Variants in PAQR5 observed in about 807,000 individuals in gnomAD.
The protein encoded by PAQR5 is progestin and adipoQ receptor family member 5, also known as membrane progestin receptor gamma.
PAQR5 carries 20 observed loss-of-function variants against 34.5 expected under a neutral mutation model. That is an observed-to-expected ratio of 0.58 (90% CI 0.41 to 0.84). The LOEUF (loss-of-function observed/expected upper bound fraction) is 0.84. PAQR5 is among the 40% of genes least tolerant of loss of function. PAQR5 has a pLI of 0.00. For synonymous variants in PAQR5, 131 were observed against 155.6 expected, an observed-to-expected ratio of 0.84 and a Z score of 1.18; for missense variants, 378 against 412.7, an observed-to-expected ratio of 0.92 and a Z score of 0.73.
chr15:69,337,877 C>T (rs1361569295), intron 2 of PAQR5, among the ~76,000 whole-genome samples: 3 of 151,958 alleles, frequency 2.0e-5, no homozygotes, highest in African/African-American at 7.3e-5. Flanking sequence ...GAGTTCAAGA[C>T]CAGCCTGGAC....
chr15:69,337,126 C>T (rs2054531730), intron 1 of PAQR5, among the ~76,000 whole-genome samples: 1 of 152,120 alleles, frequency 6.6e-6, no homozygotes, highest in Non-Finnish European at 1.5e-5. Context: ...ATTGCTAATC[C>T]TTTTGTTTTC....
chr15:69,322,626 G>C (rs2054123224), intron 1 of PAQR5, among the ~76,000 whole-genome samples: 1 of 125,690 alleles, frequency 8.0e-6, no homozygotes, highest in Non-Finnish European at 1.6e-5. Flanking sequence ...CTGCACTCCA[G>C]GCTGGGTGAC....
intron 2 of PAQR5, among the ~76,000 whole-genome samples, chr15:69,351,724 G>C (rs1238988987): frequency 6.6e-6 from 1 of 152,196 alleles, no homozygotes; most frequent in Non-Finnish European, 1.5e-5. Flanking sequence ...TTATTTGTAA[G>C]ACATTTGCTT....
intron 1 of PAQR5, among the ~76,000 whole-genome samples, chr15:69,332,092 G>C (rs2054392665): frequency 6.6e-6 from 1 of 152,142 alleles, no homozygotes; most frequent in Non-Finnish European, 1.5e-5. Flanking sequence ...TCTCTGTCTG[G>C]GTAAAACAGT....
In PAQR5 at chr15:69,404,006, T is replaced by A. The variant is rs2056713120; in HGVS notation, c.*184T>A. 3.3e-6 allele frequency: 2 copies of A among 610,142 alleles called. No homozygotes were observed. Among genetic ancestry groups the A allele is most frequent in the Non-Finnish European group, 5.6e-6 (2 of 358,938 alleles). The allele number at this position is 610,142 out of a possible 1,614,324, so 37.8% of individuals were successfully genotyped here. A position where few individuals can be genotyped will look rare whatever the true frequency, so the allele number is the denominator to read the frequency against. On this transcript the variant is annotated 3_prime_UTR_variant, in exon 9 of 9. Coordinates refer to ENST00000395407, the MANE Select transcript of PAQR5 (RefSeq NM_017705.4). ...AATTTCTCTAAATGTACACTGATTC[T>A]GTGTGTGTGATTTTAAAAGGAGAAT...
chr15:69,398,534 G>A (rs773524728), intron 7 of PAQR5, among the ~76,000 whole-genome samples: 6 of 152,198 alleles, frequency 3.9e-5, no homozygotes, highest in African/African-American at 7.2e-5. Flanking sequence ...TAGAGGCAGC[G>A]TCCTGTGGGC....
chr15:69,391,235 G>A (rs2056262699), intron 6 of PAQR5: 2 of 153,150 alleles, frequency 1.3e-5, no homozygotes, highest in African/African-American at 2.4e-5. Flanking sequence ...AAATTCCTTT[G>A]GGTGACACTT....
intron 2 of PAQR5, among the ~76,000 whole-genome samples, chr15:69,355,289 T>A (rs1408763659): frequency 1.8e-5 from 2 of 109,092 alleles, no homozygotes; most frequent in Non-Finnish European, 3.6e-5. Flanking sequence ...CTTTCTTTCT[T>A]TTCTTTCTTT....
chr15:69,335,880 A>C (rs1272322548), intron 1 of PAQR5, among the ~76,000 whole-genome samples: 2 of 152,196 alleles, frequency 1.3e-5, no homozygotes, highest in Non-Finnish European at 2.9e-5. Flanking sequence ...CTGGATCGAG[A>C]TATAAAATTT....
Position 69,385,755 on chromosome 15 carries a change from AACAC to A in PAQR5, c.385+878_385+881del, listed in dbSNP as rs1358888066. On this transcript the variant is annotated intron_variant, in intron 5 of 8. Transcript: ENST00000395407. The surrounding 1 kb of genome is among the most constrained non-coding windows in gnomAD (Gnocchi z 4.7). ...ATATACACACGTTCACACTCACACA[AACAC>A]ACACTCATGCACTGACACACACTGA... 2.0e-5 allele frequency among the ~76,000 whole-genome samples: 3 copies of A among 151,630 alleles called. No individual in the cohort carries two copies.
intron 6 of PAQR5, among the ~76,000 whole-genome samples, chr15:69,390,330 T>A (rs1394326554): frequency 2.3e-5 from 2 of 87,776 alleles, no homozygotes; most frequent in Non-Finnish European, 5.7e-5. Context: ...TTTTATTTAT[T>A]TATTTATTTA....
intron 2 of PAQR5, among the ~76,000 whole-genome samples, chr15:69,359,686 A>G (rs1229319215): frequency 6.6e-6 from 1 of 151,860 alleles, no homozygotes; most frequent in East Asian, 1.9e-4. Context: ...TGTGGATTTC[A>G]TTTCTGCCTT....
At chr15:69,317,423 T>A (rs2053979575) in intron 1 of PAQR5, among the ~76,000 whole-genome samples, 1 of 152,128 alleles carries the variant, frequency 6.6e-6, no homozygotes, top group Admixed American at 6.5e-5. Flanking sequence ...TACCCTCCAG[T>A]CTCTGCTGAG....
Position 69,300,940 on chromosome 15 carries a change from T to TTCC in PAQR5, c.-277+1885_-277+1886insCCT, listed in dbSNP as rs2053581256. On this transcript the variant is annotated intron_variant, in intron 1 of 8. Transcript: ENST00000395407. ...TTCTCTCTCTCTCTCTCTCTCTCTC[T>TTCC]TTCTTTCCTTCTTTCTTTCTTTCTT... is the stretch of plus-strand genomic sequence containing the variant. 5.6e-5 allele frequency among the ~76,000 whole-genome samples: 2 copies of TTCC among 35,496 alleles called. 1 individual carries two copies. The allele number at this position is 35,496 out of a possible 152,430, so 23.3% of individuals were successfully genotyped here.
chr15:69,340,072 G>A (rs533526074), intron 2 of PAQR5, among the ~76,000 whole-genome samples: 35 of 150,930 alleles, frequency 2.3e-4, no homozygotes, highest in African/African-American at 8.5e-4. Flanking sequence ...CTCCATGTTG[G>A]TCAGGCTGGT....
chr15:69,379,480 C>A, intron 3 of PAQR5: 3 of 985,338 alleles, frequency 3.0e-6, no homozygotes, highest in Non-Finnish European at 2.4e-6. Flanking sequence ...CAGCCCCTGA[C>A]ATGCAGGGCT....
chr15:69,315,811 A>G (rs1490553148), intron 1 of PAQR5, among the ~76,000 whole-genome samples: 2 of 152,128 alleles, frequency 1.3e-5, no homozygotes, highest in Non-Finnish European at 2.9e-5. Context: ...GGCAGGGACT[A>G]CCTGGGTTTA....
At position 69,300,645 on chromosome 15, in the gene PAQR5, CT is replaced by C. The variant is rs1566985430; in HGVS notation, c.-277+1592del. On this transcript the variant is annotated intron_variant, in intron 1 of 8. Coordinates refer to ENST00000395407, the MANE Select transcript of PAQR5 (RefSeq NM_017705.4). Reference sequence around the variant, plus strand: ...TCTTTCTTTCTTTCTTTCTTTCTTTCTTTCTTTTCTTTCTTTCTTTCATTCT... The same window carrying C: ...TCTTTCTTTCTTTCTTTCTTTCTTTCTTCTTTTCTTTCTTTCTTTCATTCT... Among the ~76,000 whole-genome samples the C allele has an allele frequency of 1.5e-4, 5 of 32,422 alleles. 1 individual carries two copies. Among genetic ancestry groups the C allele is most frequent in the Admixed American group, 1.4e-3 (4 of 2,782 alleles). The allele number at this position is 32,422 out of a possible 152,430, so 21.3% of individuals were successfully genotyped here.
chr15:69,366,047 C>A (rs2140871469), intron 3 of PAQR5, among the ~76,000 whole-genome samples: 1 of 152,306 alleles, frequency 6.6e-6, no homozygotes, highest in East Asian at 1.9e-4. Context: ...AAAACCATCA[C>A]CATGATCACC....
Sources: allele counts gnomAD v4.1 joint callset (sites outside exome capture counted in the v4.1 genomes callset), GRCh38; gene constraint gnomAD v4.1.1; non-coding constraint Gnocchi (gnomAD v3.1); transcripts MANE v1.5; gene names NCBI Gene and HGNC (gene_info 2026-07-23, HGNC 2026-07-21).